RGPD1: variants seen among roughly 807,000 people sequenced by gnomAD.
The protein encoded by RGPD1 is RANBP2 like and GRIP domain containing 1.
Under a neutral mutation model 40.6 loss-of-function variants are expected in RGPD1, and 7 were observed. The observed-to-expected ratio is 0.17, with a 90% CI of 0.10 to 0.32. RGPD1 has a LOEUF of 0.32. Ranked by LOEUF, RGPD1 falls within the 10% of genes least tolerant of loss-of-function variation. RGPD1 has a pLI of 1.00. For synonymous variants in RGPD1, 24 were observed against 167.0 expected (o/e 0.14, Z 6.60); for missense variants, 50 against 472.5 (o/e 0.11, Z 8.29).
At chr2:86,925,629 AT>A (rs1461582149) in intron 1 of RGPD1, among the ~76,000 whole-genome samples, 3 of 152,246 alleles carry the variant, frequency 2.0e-5, no homozygotes, top group Admixed American at 2.0e-4. Flanking sequence ...AGGAAAAAAA[AT>A]GAAGCCTATG....
intron 1 of RGPD1, among the ~76,000 whole-genome samples, chr2:86,931,860 A>G (rs1248156506): frequency 3.4e-5 from 5 of 148,854 alleles, no homozygotes; most frequent in Admixed American, 2.0e-4. Context: ...TACATATATC[A>G]GAGTTTGTAA....
At chr2:86,939,717 T>G (rs1679604892), upstream of RGPD1, among the ~76,000 whole-genome samples, 1 of 127,406 alleles carries the variant, frequency 7.8e-6, no homozygotes, top group Non-Finnish European at 1.7e-5. Flanking sequence ...TCAGTGCTCA[T>G]TCTCTTGGTT....
intron 1 of RGPD1, among the ~76,000 whole-genome samples, chr2:86,927,099 C>T (rs1478854107): frequency 1.3e-5 from 2 of 152,086 alleles, no homozygotes; most frequent in Non-Finnish European, 2.9e-5. Context: ...TTTTCCTTCC[C>T]ACTTAAATCA....
chr2:86,933,115 AT>A (rs1331040561), intron 1 of RGPD1, among the ~76,000 whole-genome samples: 3 of 148,692 alleles, frequency 2.0e-5, no homozygotes, highest in Admixed American at 6.8e-5. Flanking sequence ...ATATACGTGT[AT>A]GTATATAAAT....
chr2:86,923,294 T>C (rs533345939), intron 1 of RGPD1, among the ~76,000 whole-genome samples: 22 of 151,820 alleles, frequency 1.4e-4, no homozygotes, highest in South Asian at 6.2e-4. Context: ...CTGACCTTGG[T>C]GTCCCAAAGT....
At chr2:86,939,602 GAAAGA>G (rs1679592130), upstream of RGPD1, among the ~76,000 whole-genome samples, 1 of 136,436 alleles carries the variant, frequency 7.3e-6, no homozygotes, top group South Asian at 2.3e-4. Context: ...AAGAAAGAAA[GAAAGA>G]AAAGAAGGTT....
At chr2:86,925,759 T>TA (rs1193589181) in intron 1 of RGPD1, among the ~76,000 whole-genome samples, 7 of 152,048 alleles carry the variant, frequency 4.6e-5, no homozygotes, top group African/African-American at 1.7e-4. Flanking sequence ...TTTAAAGAAA[T>TA]AGAGTCTCGC....
In RGPD1 at chr2:86,971,159, C is replaced by G. The variant is rs1238374851; in HGVS notation, c.1064-588C>G. 1.6e-4 allele frequency among the ~76,000 whole-genome samples: 7 copies of G among 44,038 alleles called. 1 individual carries two copies. 28.9% of individuals were successfully genotyped at this position (44,038 alleles called of 152,430 possible). A position where few individuals can be genotyped will look rare whatever the true frequency, so the allele number is the denominator to read the frequency against. On this transcript the variant is annotated intron_variant, in intron 8 of 22. Transcript: ENST00000641458. ...ACGCCATTCTCCTCCCTCAGCCTCC[C>G]CAGTAGCTGGGACTACAGGCGCCCG...
upstream of RGPD1, among the ~76,000 whole-genome samples, chr2:86,941,125 A>G (rs1205873727): frequency 2.0e-5 from 3 of 152,160 alleles, no homozygotes; most frequent in Non-Finnish European, 4.4e-5. Flanking sequence ...ATATCAACGC[A>G]TTTGATATTT....
upstream of RGPD1, among the ~76,000 whole-genome samples, chr2:86,939,855 C>G (rs940138090): frequency 1.5e-5 from 1 of 67,240 alleles, no homozygotes; most frequent in African/African-American, 7.3e-5. Context: ...CTGCTTCAGT[C>G]TCCCAAATAG....
chr2:86,931,979 T>C (rs570331055), intron 1 of RGPD1, among the ~76,000 whole-genome samples: 275 of 148,170 alleles, frequency 1.9e-3, no homozygotes, highest in Non-Finnish European at 2.8e-3. Flanking sequence ...TTATATATAA[T>C]ATTCATATTA....
chr2:87,007,466 T>A (rs1394997811), intron 22 of RGPD1, among the ~76,000 whole-genome samples: 1 of 152,100 alleles, frequency 6.6e-6, no homozygotes, highest in African/African-American at 2.4e-5. Flanking sequence ...CAACCTCCAC[T>A]TCCGAGGTTC....
chr2:86,933,111 G>A (rs1443157703), intron 1 of RGPD1, among the ~76,000 whole-genome samples: 11 of 147,970 alleles, frequency 7.4e-5, no homozygotes, highest in Admixed American at 4.1e-4. Context: ...TTATATATAC[G>A]TGTATGTATA....
rs201733985 is a variant in RGPD1 at position 86,955,107 on chromosome 2, T to A, written c.402+1457T>A. Among the ~76,000 whole-genome samples, 97 of 7,340 alleles carry A rather than the reference T, an allele frequency of 0.013. 5 individuals carry two copies. The East Asian group carries it at 0.14, about 11-fold the overall frequency. The allele number at this position is 7,340 out of a possible 152,430, so 4.8% of individuals were successfully genotyped here. ...CCTGTGCCTCCCAGGTTCAAGCAAT[T>A]CTCCTGCCTCAGCCTTCCGGGTAGC... On this transcript the variant is annotated intron_variant, in intron 4 of 22. Coordinates refer to ENST00000641458, the MANE Select transcript of RGPD1 (RefSeq NM_001382344.1).
chr2:86,931,595 ATTTG>A, intron 1 of RGPD1, among the ~76,000 whole-genome samples: 1 of 152,120 alleles, frequency 6.6e-6, no homozygotes, highest in East Asian at 1.9e-4. Context: ...ATGATTTTAT[ATTTG>A]TTTTGTTTTT....
chr2:86,944,017 A>T (rs999875097), intron 1 of RGPD1, among the ~76,000 whole-genome samples: 1 of 151,676 alleles, frequency 6.6e-6, no homozygotes, highest in African/African-American at 2.4e-5. Flanking sequence ...CCAAAAAAAA[A>T]CAAAAAAAAA....
In RGPD1 at chr2:86,925,921, T is replaced by G. The variant is rs189851212; in HGVS notation, c.72+12000T>G. 2.6e-5 allele frequency among the ~76,000 whole-genome samples: 4 copies of G among 152,196 alleles called. No homozygotes were observed. In the East Asian group the frequency reaches 7.7e-4, roughly 29 times the overall value. On this transcript the variant is annotated intron_variant, in intron 1 of 22. Transcript: ENST00000398193. ...TGCACAAGATTGTTTGCCAAATGAA[T>G]AATTAAAAAAATCCATTTAGTGTAC... is the stretch of plus-strand genomic sequence containing the variant.
intron 1 of RGPD1, among the ~76,000 whole-genome samples, chr2:86,915,012 C>T (rs554789508): frequency 6.7e-6 from 1 of 149,560 alleles, no homozygotes; most frequent in African/African-American, 2.5e-5. Flanking sequence ...TATGGACATG[C>T]CTGCTGGGCA....
At chr2:87,007,929 G>GA (rs1342453276) in intron 22 of RGPD1, among the ~76,000 whole-genome samples, 2 of 93,814 alleles carry the variant, frequency 2.1e-5, no homozygotes, top group East Asian at 5.3e-4. Context: ...CTCACTACTA[G>GA]AAAAAAAGTT....
Sources: gnomAD v4.1 joint callset for allele counts (sites outside exome capture counted in the v4.1 genomes callset) on GRCh38, gnomAD v4.1.1 for gene constraint, MANE v1.5 for transcripts, NCBI Gene and HGNC (gene_info 2026-07-23, HGNC 2026-07-21) for gene names.